The following JAKMIP1 variants were observed in gnomAD, a reference collection of about 807,000 sequenced individuals.
JAKMIP1 encodes janus kinase and microtubule interacting protein 1, also known as janus kinase and microtubule-interacting protein 1.
In JAKMIP1, 33 loss-of-function variants were observed where a neutral mutation model predicts 113.0. That is an observed-to-expected ratio of 0.29 (90% CI 0.22 to 0.39). The LOEUF (loss-of-function observed/expected upper bound fraction) is 0.39, where lower values mean the gene tolerates loss of function less well. JAKMIP1 is among the 10% of genes least tolerant of loss of function. JAKMIP1 has a pLI of 1.00. For missense variants in JAKMIP1, 813 were observed against 1,080.5 expected, an observed-to-expected ratio of 0.75 and a Z score of 3.47; for synonymous variants, 480 against 459.9, an observed-to-expected ratio of 1.04 and a Z score of -0.56.
chr4:6,035,753 T>C, intron 19 of JAKMIP1, 151 bp downstream of exon 19: 3 of 660,840 alleles, frequency 4.5e-6, no homozygotes, highest in Non-Finnish European at 7.6e-6. Context: ...ATGATGGGCA[T>C]CTATGAAATC....
chr4:6,084,017 AC>A (rs1372677365), intron 5 of JAKMIP1, among the ~76,000 whole-genome samples: 5 of 151,700 alleles, frequency 3.3e-5, no homozygotes, highest in Non-Finnish European at 7.4e-5. Flanking sequence ...TAATTACACC[AC>A]CTAAAAGAAT....
At position 6,064,754 on chromosome 4, in the gene JAKMIP1, T is replaced by G. The variant is rs1717810619; in HGVS notation, c.1431+126A>C. 2 of 1,235,426 alleles carry G rather than the reference T, an allele frequency of 1.6e-6. No individual in the cohort carries two copies. Among genetic ancestry groups the G allele is most frequent in the Non-Finnish European group, 2.3e-6 (2 of 877,694 alleles). 76.5% of individuals were successfully genotyped at this position (1,235,426 alleles called of 1,614,324 possible). On this transcript the variant is annotated intron_variant, in intron 9 of 20. Transcript: ENST00000409021. This position sits in a 1 kb window ranked among gnomAD's most constrained non-coding sequence, Gnocchi z 4.3. Reference sequence around the variant, plus strand: ...ACCATTGGCTTTGATAATGCACTGGTAGGAACTGGTCATCTGGGGTTCAGA... The same window carrying G: ...ACCATTGGCTTTGATAATGCACTGGGAGGAACTGGTCATCTGGGGTTCAGA...
chr4:6,159,988 C>T (rs1354565332), intron 1 of JAKMIP1, among the ~76,000 whole-genome samples: 2 of 152,070 alleles, frequency 1.3e-5, no homozygotes, highest in Non-Finnish European at 2.9e-5. Context: ...CACTCACGGA[C>T]GTCACAACCC....
Position 6,142,715 on chromosome 4 carries a change from A to G in JAKMIP1, c.-147-29718T>C, listed in dbSNP as rs559940873. 4.1e-4 allele frequency among the ~76,000 whole-genome samples: 62 copies of G among 152,270 alleles called. No individual in the cohort carries two copies. Among genetic ancestry groups the G allele is most frequent in the Middle Eastern group, 3.4e-3 (1 of 292 alleles). On this transcript the variant is annotated intron_variant, in intron 1 of 20. Coordinates refer to ENST00000409021, the MANE Select transcript of JAKMIP1 (RefSeq NM_001099433.2). This position sits in a 1 kb window ranked among gnomAD's most constrained non-coding sequence, Gnocchi z 5.5. ...TGAGGTTTCCAGGAGATGGCAATGG[A>G]TGGGGTGCTCTGGCCCCGGGGCCTG...
intron 8 of JAKMIP1, among the ~76,000 whole-genome samples, chr4:6,074,158 C>T (rs546686440): frequency 2.6e-5 from 4 of 152,302 alleles, no homozygotes; most frequent in Admixed American, 6.5e-5. Flanking sequence ...TTGGATAGGC[C>T]CAGTAAGGCA....
At chr4:6,171,674 A>G (rs1370425304) in intron 1 of JAKMIP1, among the ~76,000 whole-genome samples, 1 of 152,172 alleles carries the variant, frequency 6.6e-6, no homozygotes, top group African/African-American at 2.4e-5. Context: ...GAGTCTTCAC[A>G]TGTCTTGAAG....
At position 6,183,393 on chromosome 4, in the gene JAKMIP1, C is replaced by T. The variant is rs1360332896; in HGVS notation, c.-148+16860G>A. On this transcript the variant is annotated intron_variant, in intron 1 of 20. Transcript: ENST00000409021. The surrounding 1 kb of genome is among the most constrained non-coding windows in gnomAD (Gnocchi z 5.3). Reference sequence around the variant, plus strand: ...ACTTGGGAGGCCGAGGCAGGAGAGTCGCTTGAACCTGGGAGGCAGAGGTTA... The same window carrying T: ...ACTTGGGAGGCCGAGGCAGGAGAGTTGCTTGAACCTGGGAGGCAGAGGTTA... Among the ~76,000 whole-genome samples the T allele has an allele frequency of 2.0e-5, 3 of 151,600 alleles. No individual in the cohort carries two copies. The highest frequency in any genetic ancestry group is 1.9e-4 in the East Asian group (1 of 5,138).
Position 6,129,752 on chromosome 4 carries a change from C to T in JAKMIP1, c.-147-16755G>A, listed in dbSNP as rs564221410. On this transcript the variant is annotated intron_variant, in intron 1 of 20. Transcript: ENST00000409021. The surrounding 1 kb of genome is among the most constrained non-coding windows in gnomAD (Gnocchi z 5.4). ...GAGATTTCTCCATGAAGCACAACTC[C>T]CGCCCCTAGAAAAGTATTCTGAGGT... Among the ~76,000 whole-genome samples the T allele has an allele frequency of 1.3e-5, 2 of 152,326 alleles. No individual in the cohort carries two copies. The highest frequency in any genetic ancestry group is 2.1e-4 in the South Asian group (1 of 4,826).
chr4:6,042,984 G>A lies in JAKMIP1; in HGVS notation c.2029-757C>T, dbSNP rs1228063063. Among the ~76,000 whole-genome samples, 3 of 152,116 alleles carry A rather than the reference G, an allele frequency of 2.0e-5. No homozygotes were observed. Among genetic ancestry groups the A allele is most frequent in the African/African-American group, 4.8e-5 (2 of 41,492 alleles). Reference sequence around the variant, plus strand: ...TGGGGTCTGGGCTGGGGGTGAGCACGGAGGCAGGTGTCATACGTGGATGTG... The same window carrying A: ...TGGGGTCTGGGCTGGGGGTGAGCACAGAGGCAGGTGTCATACGTGGATGTG... On this transcript the variant is annotated intron_variant, in intron 16 of 20. Coordinates refer to ENST00000409021, the MANE Select transcript of JAKMIP1 (RefSeq NM_001099433.2). This position sits in a 1 kb window ranked among gnomAD's most constrained non-coding sequence, Gnocchi z 5.2.
intron 3 of JAKMIP1, among the ~76,000 whole-genome samples, chr4:6,102,311 AT>A (rs1400966477): frequency 6.6e-6 from 1 of 152,242 alleles, no homozygotes; most frequent in Non-Finnish European, 1.5e-5. Flanking sequence ...TCTCACAAAA[AT>A]TCATACATTG....
At chr4:6,087,843 T>A (rs1483921556) in intron 3 of JAKMIP1, among the ~76,000 whole-genome samples, 1 of 152,176 alleles carries the variant, frequency 6.6e-6, no homozygotes. Flanking sequence ...GGGTGCTCCA[T>A]GCAGTTTCTC....
Position 6,139,634 on chromosome 4 carries a change from C to T in JAKMIP1, c.-147-26637G>A, listed in dbSNP as rs1024578777. Among the ~76,000 whole-genome samples, 1 of 151,908 alleles carries T rather than the reference C, an allele frequency of 6.6e-6. No individual in the cohort carries two copies. Among genetic ancestry groups the T allele is most frequent in the Non-Finnish European group, 1.5e-5 (1 of 67,978 alleles). On this transcript the variant is annotated intron_variant, in intron 1 of 20. Coordinates refer to ENST00000409021, the MANE Select transcript of JAKMIP1 (RefSeq NM_001099433.2). The surrounding 1 kb of genome is among the most constrained non-coding windows in gnomAD (Gnocchi z 5.2). ...TACAAAAATTAGCCAGGTGTGGTGG[C>T]ACACACCTGTAGTCCCAGCTACTTG...
At chr4:6,134,470 C>A (rs900047305) in intron 1 of JAKMIP1, among the ~76,000 whole-genome samples, 6 of 152,194 alleles carry the variant, frequency 3.9e-5, no homozygotes, top group African/African-American at 1.4e-4. Context: ...TGTTCATCTT[C>A]TTTAAAATTC....
In JAKMIP1 at chr4:6,067,773, C is replaced by G. The variant is rs13118346; in HGVS notation, c.1303-2765G>C. Among the ~76,000 whole-genome samples the G allele has an allele frequency of 3.3e-3, 392 of 118,656 alleles. No individual in the cohort carries two copies. Among genetic ancestry groups the G allele is most frequent in the Middle Eastern group, 5.3e-3 (1 of 190 alleles). 77.8% of individuals were successfully genotyped at this position (118,656 alleles called of 152,430 possible). ...ACGCAGGTCACCCCCCTGAGCTCCACGTTCACTCAAGCTCTTCTGCACACG... is the reference window on the plus strand; with the variant it reads ...ACGCAGGTCACCCCCCTGAGCTCCAGGTTCACTCAAGCTCTTCTGCACACG... On this transcript the variant is annotated intron_variant, in intron 8 of 20. Coordinates refer to ENST00000409021, the MANE Select transcript of JAKMIP1 (RefSeq NM_001099433.2). The surrounding 1 kb of genome is among the most constrained non-coding windows in gnomAD (Gnocchi z 4.6).
intron 1 of JAKMIP1, among the ~76,000 whole-genome samples, chr4:6,124,890 C>A (rs1717191582): frequency 6.6e-6 from 1 of 152,230 alleles, no homozygotes; most frequent in Admixed American, 6.5e-5. Context: ...CTTTAGGCCA[C>A]CATCGGGTGA....
Position 6,084,984 on chromosome 4 carries a change from A to AG in JAKMIP1, c.835-20_835-19insC. On this transcript the variant is annotated intron_variant, in intron 4 of 20. Transcript: ENST00000409021. ...GTTGATCCTAAAAAAAAAAAAAAAA[A>AG]AAAAAAAAAAGTCAAGACGTAAATG... 1 of 1,549,764 alleles carries AG rather than the reference A, an allele frequency of 6.5e-7. No individual in the cohort carries two copies. Among genetic ancestry groups the AG allele is most frequent in the Non-Finnish European group, 8.6e-7 (1 of 1,156,564 alleles).
At chr4:6,173,142 C>T (rs933731712) in intron 1 of JAKMIP1, among the ~76,000 whole-genome samples, 10 of 152,326 alleles carry the variant, frequency 6.6e-5, no homozygotes, top group African/African-American at 1.9e-4. Context: ...GAGATTTCAC[C>T]TCCCACTGGT....
At chr4:6,052,645 T>C in intron 13 of JAKMIP1, among the ~76,000 whole-genome samples, 1 of 127,568 alleles carries the variant, frequency 7.8e-6, no homozygotes, top group Non-Finnish European at 1.6e-5. Context: ...AGCGAGACTC[T>C]GTCCTAAAAA....
At position 6,193,522 on chromosome 4, in the gene JAKMIP1, C is replaced by T. The variant is rs761846514; in HGVS notation, c.-148+6731G>A. ...CCAGGCAGCAAGCAGCTCACACAAG[C>T]GCTCTGAGCAGCAAGAATCCAGCAT... On this transcript the variant is annotated intron_variant, in intron 1 of 20. Transcript: ENST00000409021. This position sits in a 1 kb window ranked among gnomAD's most constrained non-coding sequence, Gnocchi z 6.4. 4.6e-5 allele frequency among the ~76,000 whole-genome samples: 7 copies of T among 152,190 alleles called. No homozygotes were observed. Among genetic ancestry groups the T allele is most frequent in the South Asian group, 2.1e-4 (1 of 4,830 alleles).
Sources: allele counts gnomAD v4.1 joint callset (sites outside exome capture counted in the v4.1 genomes callset), GRCh38; gene constraint gnomAD v4.1.1; non-coding constraint Gnocchi (gnomAD v3.1); transcripts MANE v1.5; gene names NCBI Gene and HGNC (gene_info 2026-07-23, HGNC 2026-07-21).